The following KDM4C variants were observed in gnomAD, a reference collection of about 807,000 sequenced individuals.
The protein encoded by KDM4C is lysine demethylase 4C, also known as lysine-specific demethylase 4C.
Under a neutral mutation model 129.3 loss-of-function variants are expected in KDM4C, and 81 were observed. That is an observed-to-expected ratio of 0.63 (90% CI 0.52 to 0.75). KDM4C has a LOEUF of 0.75. Among genes scored for constraint, KDM4C ranks in the 30% least tolerant of loss-of-function variants. KDM4C has a pLI of 0.00. For missense variants in KDM4C, 1,457 were observed against 1,304.0 expected, an observed-to-expected ratio of 1.12 and a Z score of -1.81; for synonymous variants, 573 against 456.1, an observed-to-expected ratio of 1.26 and a Z score of -3.26.
chr9:7,077,353 T>C, intron 17 of KDM4C: 1 of 391,482 alleles, frequency 2.6e-6, no homozygotes, highest in East Asian at 1.6e-4. Flanking sequence ...CAACTACGGC[T>C]GAAAAAAAAG....
intron 8 of KDM4C, among the ~76,000 whole-genome samples, chr9:6,929,929 C>T (rs893851559): frequency 6.6e-6 from 1 of 152,148 alleles, no homozygotes; most frequent in African/African-American, 2.4e-5. Flanking sequence ...AGTCTCATTA[C>T]TAAAATGTCA....
At chr9:6,904,071 G>C (rs6477125) in intron 8 of KDM4C, among the ~76,000 whole-genome samples, 67,428 of 151,768 alleles carry the variant, frequency 0.44, 15,498 homozygotes, top group Middle Eastern at 0.59. Flanking sequence ...GAAACCTCAT[G>C]TCTGCGAAAA....
At chr9:7,125,078 A>G (rs573361320) in intron 18 of KDM4C, among the ~76,000 whole-genome samples, 4 of 152,170 alleles carry the variant, frequency 2.6e-5, no homozygotes, top group African/African-American at 7.2e-5. Flanking sequence ...ACAGAATAAC[A>G]TTTAGATTCC....
At chr9:7,038,592 C>G (rs1180793459) in intron 15 of KDM4C, among the ~76,000 whole-genome samples, 1 of 151,880 alleles carries the variant, frequency 6.6e-6, no homozygotes, top group African/African-American at 2.4e-5. Context: ...CAGTTCCCAC[C>G]AGAGGTAACT....
At chr9:7,017,884 G>A (rs1823970339) in intron 15 of KDM4C, among the ~76,000 whole-genome samples, 1 of 152,180 alleles carries the variant, frequency 6.6e-6, no homozygotes, top group Non-Finnish European at 1.5e-5. Context: ...TGAGAGTGGT[G>A]TCTTTCTGGA....
intron 4 of KDM4C, chr9:6,834,529 A>G: frequency 1.5e-6 from 1 of 669,306 alleles, no homozygotes; most frequent in Admixed American, 2.0e-5. Context: ...GCAGGTGACG[A>G]TGACCCCCGG....
chr9:7,010,009 CATAA>C (rs1385737800), intron 12 of KDM4C, among the ~76,000 whole-genome samples: 1 of 152,098 alleles, frequency 6.6e-6, no homozygotes, highest in Non-Finnish European at 1.5e-5. Flanking sequence ...CTACTATAAA[CATAA>C]ATCTATTATA....
At chr9:6,763,004 CTTCCTCATCCTCCTTACCCTTCCGCT>C (rs1458550396) in intron 1 of KDM4C, among the ~76,000 whole-genome samples, 1 of 151,948 alleles carries the variant, frequency 6.6e-6, no homozygotes, top group African/African-American at 2.4e-5. Flanking sequence ...AGATTCCCTA[CTTCCTCATCCTCCTTACCCTTCCGCT>C]GGTGGGGGGG....
intron 19 of KDM4C, among the ~76,000 whole-genome samples, chr9:7,151,812 C>G (rs777646237): frequency 8.5e-5 from 13 of 152,180 alleles, no homozygotes; most frequent in Non-Finnish European, 1.8e-4. Context: ...GGGTCTAGAA[C>G]CAGCACAGAA....
At chr9:6,880,853 A>C (rs1349498489) in intron 6 of KDM4C, among the ~76,000 whole-genome samples, 1 of 152,130 alleles carries the variant, frequency 6.6e-6, no homozygotes, top group Non-Finnish European at 1.5e-5. Context: ...TGGGAAGCAG[A>C]GTCACATTCA....
intron 1 of KDM4C, among the ~76,000 whole-genome samples, chr9:6,739,589 G>A (rs1044187966): frequency 1.5e-4 from 22 of 151,194 alleles, no homozygotes; most frequent in African/African-American, 4.9e-4. Flanking sequence ...CACAGTTTTA[G>A]ATAGCTAGAT....
In KDM4C at chr9:7,011,690, C is replaced by G. The variant is rs377076291; in HGVS notation, c.1787-8C>G. On this transcript the variant is annotated splice_region_variant and splice_polypyrimidine_tract_variant and intron_variant, in intron 12 of 21. Transcript: ENST00000381309. The stretch of plus-strand genomic sequence containing the variant: ...TGCTCATGGTATTTTCCTGCCTTCT[C>G]CCTTAAGAATTGCCTGAGGTTCTGT... 1 of 1,613,632 alleles carries G rather than the reference C, an allele frequency of 6.2e-7. No homozygotes were observed. The highest frequency in any genetic ancestry group is 1.3e-5 in the African/African-American group (1 of 75,020).
intron 6 of KDM4C, among the ~76,000 whole-genome samples, chr9:6,886,270 A>G (rs1205412611): frequency 6.6e-6 from 1 of 151,482 alleles, no homozygotes; most frequent in East Asian, 1.9e-4. Context: ...ATTAAGAGAC[A>G]TTGTAAAGAA....
chr9:6,738,135 A>AAAACTAAACTAAACTAAACTAAACT lies in KDM4C; in HGVS notation c.49+17162_49+17186dup, dbSNP rs200468678. Among the ~76,000 whole-genome samples, 256 of 142,300 alleles carry AAAACTAAACTAAACTAAACTAAACT rather than the reference A, an allele frequency of 1.8e-3. 1 individual carries two copies. The highest frequency in any genetic ancestry group is 6.4e-3 in the African/African-American group (242 of 37,900). The allele number at this position is 142,300 out of a possible 152,430, so 93.4% of individuals were successfully genotyped here. On this transcript the variant is annotated intron_variant, in intron 1 of 17. Coordinates refer to the KDM4C transcript ENST00000536108. ...GCAACAAGACCAAAACTCCCTCTCA[A>AAAACTAAACTAAACTAAACTAAACT]AAACTAAACTAAACTAAACTAAACT...
chr9:6,795,186 G>A (rs777528906), intron 2 of KDM4C, among the ~76,000 whole-genome samples: 1 of 152,154 alleles, frequency 6.6e-6, no homozygotes, highest in Non-Finnish European at 1.5e-5. Context: ...ACAGAAGATA[G>A]TTGAGGAGAG....
At chr9:6,957,470 T>C (rs1451485502) in intron 8 of KDM4C, among the ~76,000 whole-genome samples, 1 of 152,150 alleles carries the variant, frequency 6.6e-6, no homozygotes, top group Non-Finnish European at 1.5e-5. Context: ...TTGGCCACTT[T>C]TAGAGCTTGT....
chr9:7,030,284 C>G (rs1005331003), intron 15 of KDM4C, among the ~76,000 whole-genome samples: 3 of 152,088 alleles, frequency 2.0e-5, no homozygotes, highest in East Asian at 1.9e-4. Flanking sequence ...TAACATGTGA[C>G]ACTGATAAAT....
intron 5 of KDM4C, among the ~76,000 whole-genome samples, chr9:6,855,898 T>G (rs1343498071): frequency 6.6e-6 from 1 of 152,202 alleles, no homozygotes; most frequent in Admixed American, 6.5e-5. Context: ...ATTCATTTAT[T>G]ATGTGGTTTA....
chr9:6,964,310 A>G (rs931410884), intron 8 of KDM4C, among the ~76,000 whole-genome samples: 11 of 150,630 alleles, frequency 7.3e-5, no homozygotes, highest in South Asian at 6.3e-4. Context: ...TCATTGTTCA[A>G]TTCCCACCTA....
Sources: allele counts gnomAD v4.1 joint callset (sites outside exome capture counted in the v4.1 genomes callset), GRCh38; gene constraint gnomAD v4.1.1; transcripts MANE v1.5; gene names NCBI Gene and HGNC (gene_info 2026-07-23, HGNC 2026-07-21).